Variants in CSNK2A1 observed in about 807,000 individuals in gnomAD.
CSNK2A1 encodes casein kinase 2 alpha 1.
A neutral mutation model predicts 62.9 loss-of-function variants in CSNK2A1; 10 were observed. The observed-to-expected ratio is 0.16, with a 90% CI of 0.10 to 0.27. The LOEUF is 0.27. Among genes scored for constraint, CSNK2A1 ranks in the 10% least tolerant of loss-of-function variants. The pLI, the probability that CSNK2A1 is intolerant of heterozygous loss-of-function variation, is 1.00. For missense variants in CSNK2A1, 160 were observed against 492.0 expected, an observed-to-expected ratio of 0.33 and a Z score of 6.38; for synonymous variants, 124 against 167.8, an observed-to-expected ratio of 0.74 and a Z score of 2.02.
At chr20:489,529 T>C (rs2018172314) in intron 10 of CSNK2A1, 1 of 422,468 alleles carries the variant, frequency 2.4e-6, no homozygotes, top group Non-Finnish European at 4.2e-6. Flanking sequence ...AGGAGAATTC[T>C]AAGGTAATGT....
At chr20:539,700 G>C (rs1373650202) in intron 1 of CSNK2A1, 1 of 152,170 alleles carries the variant, frequency 6.6e-6, no homozygotes, top group Admixed American at 6.5e-5. Flanking sequence ...GGTTTCCAAG[G>C]ATTCATCTCT....
intron 2 of CSNK2A1, among the ~76,000 whole-genome samples, chr20:518,366 G>C (rs184369465): frequency 6.6e-6 from 1 of 152,186 alleles, no homozygotes; most frequent in East Asian, 1.9e-4. Context: ...AGAGTGACTA[G>C]GGAGTGGAAG....
intron 8 of CSNK2A1, chr20:494,463 A>G (rs1299172841): frequency 6.6e-6 from 1 of 152,208 alleles, no homozygotes; most frequent in Non-Finnish European, 1.5e-5. Flanking sequence ...CAAGAAACCA[A>G]CCAACTATAA....
At position 480,115 on chromosome 20, in the gene CSNK2A1, T is replaced by A. The variant is rs905938485; in HGVS notation, c.*3846A>T. 4.6e-5 allele frequency: 7 copies of A among 152,168 alleles called. No homozygotes were observed. The highest frequency in any genetic ancestry group is 7.3e-5 in the Non-Finnish European group (5 of 68,030). 9.4% of individuals were successfully genotyped at this position (152,168 alleles called of 1,614,324 possible). On this transcript the variant is annotated 3_prime_UTR_variant, in exon 14 of 14. Coordinates refer to ENST00000217244, the MANE Select transcript of CSNK2A1 (RefSeq NM_177559.3). Reference sequence around the variant, plus strand: ...ACCTATTTATCAGGGTCTCATTAAATAAAGTTACTTGTCATGTTAGTTCAG... The same window carrying A: ...ACCTATTTATCAGGGTCTCATTAAAAAAAGTTACTTGTCATGTTAGTTCAG...
At chr20:527,483 T>G (rs1292035883) in intron 2 of CSNK2A1, among the ~76,000 whole-genome samples, 1 of 152,224 alleles carries the variant, frequency 6.6e-6, no homozygotes, top group Non-Finnish European at 1.5e-5. Context: ...CTTCCAATAG[T>G]GCTTGCTAGG....
At chr20:533,347 A>G (rs916012049) in intron 1 of CSNK2A1, among the ~76,000 whole-genome samples, 1 of 152,262 alleles carries the variant, frequency 6.6e-6, no homozygotes, top group Non-Finnish European at 1.5e-5. Flanking sequence ...AACTTGCAGA[A>G]TATTTAACTT....
intron 2 of CSNK2A1, among the ~76,000 whole-genome samples, chr20:509,462 T>G (rs1369348238): frequency 3.9e-5 from 6 of 152,250 alleles, no homozygotes; most frequent in African/African-American, 1.4e-4. Context: ...CATGTGCTGA[T>G]TCCCCTCATT....
chr20:516,669 G>C (rs2018834581), intron 2 of CSNK2A1, among the ~76,000 whole-genome samples: 1 of 152,108 alleles, frequency 6.6e-6, no homozygotes, highest in Non-Finnish European at 1.5e-5. Flanking sequence ...TAGAGGCTTA[G>C]TAACAGTCCA....
intron 13 of CSNK2A1, among the ~76,000 whole-genome samples, chr20:485,111 T>TA (rs1568496684): frequency 5.0e-4 from 14 of 27,770 alleles, no homozygotes; most frequent in African/African-American, 1.7e-3. Context: ...AAAAAAAAAA[T>TA]ATATATATAT....
intron 7 of CSNK2A1, among the ~76,000 whole-genome samples, chr20:497,194 G>A (rs1337781649): frequency 6.6e-6 from 1 of 152,048 alleles, no homozygotes; most frequent in African/African-American, 2.4e-5. Context: ...CTTACTCTGT[G>A]CTACTGCACT....
At chr20:500,631 G>GTTTTTTTTTTTTTTTTTTTT (rs2018440869) in intron 4 of CSNK2A1, 1 of 146,654 alleles carries the variant, frequency 6.8e-6, no homozygotes, top group African/African-American at 2.6e-5. Flanking sequence ...GATCACCAAT[G>GTTTTTTTTTTTTTTTTTTTT]CTCTTTTTTT....
intron 3 of CSNK2A1, 121 bp from the exon 4 acceptor site, chr20:505,350 G>GT: frequency 7.7e-6 from 3 of 390,566 alleles, no homozygotes; most frequent in Non-Finnish European, 1.3e-5. Flanking sequence ...TTCCCAAATA[G>GT]GTTTTTTTTT....
intron 3 of CSNK2A1, chr20:506,741 T>A (rs1387569484): frequency 6.6e-6 from 1 of 152,166 alleles, no homozygotes; most frequent in East Asian, 1.9e-4. Flanking sequence ...GACAACATAA[T>A]AATCATGGCA....
intron 7 of CSNK2A1, 23 bp downstream of exon 7, chr20:497,698 T>G (rs373686508): frequency 9.5e-6 from 15 of 1,573,704 alleles, no homozygotes; most frequent in Admixed American, 1.7e-5. Flanking sequence ...TTAAAAAATA[T>G]TTAGTATTCA....
intron 2 of CSNK2A1, among the ~76,000 whole-genome samples, chr20:516,243 G>A (rs1279893494): frequency 2.0e-5 from 3 of 152,156 alleles, no homozygotes; most frequent in African/African-American, 4.8e-5. Flanking sequence ...ATAAAAGGAG[G>A]TGTAACTTTA....
At chr20:504,445 T>C (rs1449672623) in intron 4 of CSNK2A1, 2 of 152,264 alleles carry the variant, frequency 1.3e-5, no homozygotes, top group Non-Finnish European at 2.9e-5. Flanking sequence ...AAGTTGTATA[T>C]TGGTCTCCCA....
In CSNK2A1 at chr20:505,351, G is replaced by GTTTTTTT. The variant is rs746624346; in HGVS notation, c.102-129_102-123dup. On this transcript the variant is annotated intron_variant, in intron 3 of 13. Transcript: ENST00000217244. Reference sequence around the variant, plus strand: ...AGTATTTCAAACAATTCCCAAATAGGTTTTTTTTTTTTTTTTTTTTTTTTT... The same window carrying GTTTTTTT: ...AGTATTTCAAACAATTCCCAAATAGGTTTTTTTTTTTTTTTTTTTTTTTTTTTTTTTT... 78 of 236,182 alleles carry GTTTTTTT rather than the reference G, an allele frequency of 3.3e-4. 3 individuals are homozygous for GTTTTTTT. The highest frequency in any genetic ancestry group is 2.6e-3 in the African/African-American group (61 of 23,686). 14.6% of individuals were successfully genotyped at this position (236,182 alleles called of 1,614,324 possible).
At chr20:520,483 T>C (rs1739010906) in intron 2 of CSNK2A1, among the ~76,000 whole-genome samples, 1 of 152,010 alleles carries the variant, frequency 6.6e-6, no homozygotes, top group African/African-American at 2.4e-5. Context: ...AGGACATATA[T>C]ACATATATAT....
At chr20:491,318 T>C (rs1245361330) in intron 9 of CSNK2A1, among the ~76,000 whole-genome samples, 1 of 152,190 alleles carries the variant, frequency 6.6e-6, no homozygotes, top group Non-Finnish European at 1.5e-5. Flanking sequence ...TTTTATTTAG[T>C]ATACAATTCA....
Sources: allele counts gnomAD v4.1 joint callset (sites outside exome capture counted in the v4.1 genomes callset), GRCh38; gene constraint gnomAD v4.1.1; transcripts MANE v1.5; gene names NCBI Gene and HGNC (gene_info 2026-07-23, HGNC 2026-07-21).